The following PPP1R9A variants were observed in gnomAD, a reference collection of about 807,000 sequenced individuals.
PPP1R9A encodes the protein neurabin-1.
PPP1R9A carries 59 observed loss-of-function variants against 141.9 expected under a neutral mutation model. The ratio of observed to expected loss-of-function variants is 0.42; its 90% CI spans 0.34 to 0.52. The LOEUF (loss-of-function observed/expected upper bound fraction) is 0.52, where lower values mean the gene tolerates loss of function less well. PPP1R9A is among the 20% of genes least tolerant of loss of function. PPP1R9A has a pLI of 0.10. For missense variants in PPP1R9A, 1,444 were observed against 1,611.9 expected, an observed-to-expected ratio of 0.90 and a Z score of 1.78; for synonymous variants, 500 against 569.7, an observed-to-expected ratio of 0.88 and a Z score of 1.74.
chr7:95,238,367 G>A (rs1018289713), intron 8 of PPP1R9A, among the ~76,000 whole-genome samples: 3 of 152,056 alleles, frequency 2.0e-5, no homozygotes, highest in African/African-American at 7.2e-5. Flanking sequence ...GTGTCTAGGA[G>A]GTCTAAGCTT....
At chr7:95,216,149 A>G (rs1237463571) in intron 7 of PPP1R9A, among the ~76,000 whole-genome samples, 1 of 152,172 alleles carries the variant, frequency 6.6e-6, no homozygotes, top group Non-Finnish European at 1.5e-5. Flanking sequence ...GAATTTTTGT[A>G]TAAGGTATAA....
chr7:95,286,569 T>C (rs1300562720), intron 18 of PPP1R9A, among the ~76,000 whole-genome samples: 1 of 152,140 alleles, frequency 6.6e-6, no homozygotes, highest in East Asian at 1.9e-4. Context: ...ATGGGGAGGC[T>C]GGGCAGTGCA....
intron 2 of PPP1R9A, among the ~76,000 whole-genome samples, chr7:94,923,197 A>G (rs2150740720): frequency 6.6e-6 from 1 of 152,334 alleles, no homozygotes; most frequent in African/African-American, 2.4e-5. Context: ...TAGCATTTGC[A>G]TAGGCCTGAG....
intron 3 of PPP1R9A, 134 bp from the exon 4 acceptor site, chr7:95,120,578 C>T: frequency 1.0e-6 from 1 of 993,054 alleles, no homozygotes; most frequent in South Asian, 2.2e-5. Flanking sequence ...AAGAATTCTG[C>T]TAAAGCAAGC....
chr7:94,999,841 G>T (rs1802666989), intron 2 of PPP1R9A, among the ~76,000 whole-genome samples: 1 of 150,792 alleles, frequency 6.6e-6, no homozygotes. Flanking sequence ...TCACTCTGTT[G>T]CCCAGGCTGG....
rs1479048840 is a variant in PPP1R9A at position 95,269,253 on chromosome 7, C to T, written c.2870C>T (p.Pro957Leu). The change falls in exon 14 of 20, where the codon CCA becomes CTA. Residue 957 changes from proline (P) to leucine (L), a missense_variant. By Grantham distance (98) the Pro-to-Leu change is moderately conservative. Coordinates refer to ENST00000433360, the MANE Select transcript of PPP1R9A (RefSeq NM_001166160.2). ...CACATGCATATTACCAAATTACTTC[C>T]ACCTAAGGGTTTGAGAACGTCTTCT... ...YNHMHITKLL[P>L]PKGLRTSSPE... 1 of 1,567,626 alleles carries T rather than the reference C, an allele frequency of 6.4e-7. No individual in the cohort carries two copies. Among genetic ancestry groups the T allele is most frequent in the Admixed American group, 1.7e-5 (1 of 59,696 alleles).
chr7:94,985,853 T>C (rs548157916), intron 2 of PPP1R9A, among the ~76,000 whole-genome samples: 24 of 152,326 alleles, frequency 1.6e-4, no homozygotes, highest in African/African-American at 5.8e-4. Flanking sequence ...ATTCTTCAAC[T>C]TAATTTTAAT....
chr7:95,145,329 GT>G (rs1285075170), intron 4 of PPP1R9A, among the ~76,000 whole-genome samples: 2 of 152,130 alleles, frequency 1.3e-5, no homozygotes, highest in Non-Finnish European at 2.9e-5. Context: ...TATATTGTTA[GT>G]GGTGAAGACC....
At position 95,292,307 on chromosome 7, in the gene PPP1R9A, A is replaced by G. The variant is rs1056325397; in HGVS notation, c.*2004A>G. ...AACTTTTCAAATACTAAAACACTAA[A>G]TTAGTAAAAATCTGGTAATATTAGT... On this transcript the variant is annotated 3_prime_UTR_variant, in exon 20 of 20. Coordinates refer to ENST00000433360, the MANE Select transcript of PPP1R9A (RefSeq NM_001166160.2). The G allele has an allele frequency of 2.0e-5, 3 of 152,650 alleles. No individual in the cohort carries two copies. Among genetic ancestry groups the G allele is most frequent in the Non-Finnish European group, 4.4e-5 (3 of 68,032 alleles). The allele number at this position is 152,650 out of a possible 1,614,324, so 9.5% of individuals were successfully genotyped here.
chr7:95,053,616 C>G (rs1413031486), intron 2 of PPP1R9A, among the ~76,000 whole-genome samples: 1 of 152,152 alleles, frequency 6.6e-6, no homozygotes, highest in Non-Finnish European at 1.5e-5. Context: ...AAAGTGAAGT[C>G]CAATACTCAA....
chr7:95,033,161 T>G (rs532021853), intron 2 of PPP1R9A, among the ~76,000 whole-genome samples: 5,789 of 141,198 alleles, frequency 0.041, 175 homozygotes, highest in Middle Eastern at 0.12. Flanking sequence ...CCCGCCACCA[T>G]GCCTGGCTAA....
chr7:95,279,813 A>C (rs1803832300), intron 16 of PPP1R9A, among the ~76,000 whole-genome samples: 3 of 152,238 alleles, frequency 2.0e-5, no homozygotes, highest in Non-Finnish European at 4.4e-5. Context: ...CTATTCATAC[A>C]AATTTTCTTA....
At chr7:95,266,338 T>A (rs1363888736) in intron 12 of PPP1R9A, among the ~76,000 whole-genome samples, 3 of 152,086 alleles carry the variant, frequency 2.0e-5, no homozygotes, top group Non-Finnish European at 4.4e-5. Context: ...CCTTTTTTTT[T>A]ATCATGTTAT....
At chr7:95,176,813 G>C (rs982972165) in intron 5 of PPP1R9A, among the ~76,000 whole-genome samples, 1 of 151,940 alleles carries the variant, frequency 6.6e-6, no homozygotes, top group Admixed American at 6.6e-5. Context: ...ATCCAACAAA[G>C]ACAAAGAAAA....
In PPP1R9A at chr7:95,274,147, G is replaced by A. The variant is rs1802728274; in HGVS notation, c.3275G>A (p.Ser1092Asn). The change falls in exon 16 of 20, where the codon AGT (serine) becomes AAT (asparagine). Residue 1092 changes from serine (S) to asparagine (N), a missense_variant. Transcript: ENST00000433360. ...KKWKEKEKEA[S>N]RFSAGSRIFR... The stretch of plus-strand genomic sequence containing the variant: ...TGGAAAGAAAAAGAAAAAGAAGCCA[G>A]TAGGTTTTCTGCAGGTAGCAGGTAC... The A allele has an allele frequency of 3.2e-6, 5 of 1,578,892 alleles. No individual in the cohort carries two copies. The East Asian group carries it at 6.8e-5, about 21-fold the overall frequency.
At chr7:95,154,101 C>T (rs1206555037) in intron 4 of PPP1R9A, among the ~76,000 whole-genome samples, 1 of 151,328 alleles carries the variant, frequency 6.6e-6, no homozygotes, top group Non-Finnish European at 1.5e-5. Flanking sequence ...TCCTTCTACT[C>T]ATTTTTAGTT....
intron 2 of PPP1R9A, among the ~76,000 whole-genome samples, chr7:95,016,466 A>G (rs1380492015): frequency 6.6e-6 from 1 of 152,166 alleles, no homozygotes; most frequent in Non-Finnish European, 1.5e-5. Context: ...GAATCTTAAC[A>G]GAATATTAGT....
chr7:95,254,258 A>G (rs1051526509), intron 12 of PPP1R9A, among the ~76,000 whole-genome samples: 2 of 152,186 alleles, frequency 1.3e-5, no homozygotes, highest in South Asian at 4.1e-4. Context: ...TTTTGCTGTG[A>G]GGACAGTCAG....
chr7:94,997,748 T>A (rs1465947121), intron 2 of PPP1R9A, among the ~76,000 whole-genome samples: 1 of 152,130 alleles, frequency 6.6e-6, no homozygotes, highest in Admixed American at 6.5e-5. Flanking sequence ...CTGGAGTTTT[T>A]CTCTGCCAAG....
Sources: allele counts gnomAD v4.1 joint callset (sites outside exome capture counted in the v4.1 genomes callset), GRCh38; gene constraint gnomAD v4.1.1; transcripts MANE v1.5; gene names NCBI Gene and HGNC (gene_info 2026-07-23, HGNC 2026-07-21).